Variants in CHM observed in about 807,000 individuals in gnomAD.
The protein encoded by CHM is rab proteins geranylgeranyltransferase component A 1.
Under a neutral mutation model 49.0 loss-of-function variants are expected in CHM, and 10 were observed. The observed-to-expected ratio is 0.20, with a 90% confidence interval of 0.13 to 0.35. CHM has a LOEUF of 0.35. CHM is among the 10% of genes least tolerant of loss of function. CHM has a pLI of 1.00. For missense variants in CHM, 455 were observed against 478.4 expected, an observed-to-expected ratio of 0.95 and a Z score of 0.46; for synonymous variants, 184 against 167.5, an observed-to-expected ratio of 1.10 and a Z score of -0.76.
intron 1 of CHM, among the ~76,000 whole-genome samples, chrX:86,039,885 G>A (rs1311748197): frequency 9.0e-6 from 1 of 111,670 alleles, no homozygotes; most frequent in African/African-American, 3.3e-5. Flanking sequence ...TCTGGCCAGA[G>A]ACAGCTGGCA....
At chrX:85,942,759 T>C (rs1340637775) in intron 8 of CHM, among the ~76,000 whole-genome samples, 1 of 103,787 alleles carries the variant, frequency 9.6e-6, no homozygotes, top group Non-Finnish European at 2.0e-5. Context: ...TGTTTTCTTT[T>C]TTTTTTTTAT....
At position 85,964,202 on chromosome X, in the gene CHM, T is replaced by A. The variant is rs1214684782; in HGVS notation, c.315-150A>T. On this transcript the variant is annotated intron_variant, in intron 4 of 14. Coordinates refer to ENST00000357749, the MANE Select transcript of CHM (RefSeq NM_000390.4). ...GTAAAATATGAAACAAAATTAAGATTTGAAAGATATAAAGATTTCATGTCA... is the reference window on the plus strand; with the variant it reads ...GTAAAATATGAAACAAAATTAAGATATGAAAGATATAAAGATTTCATGTCA... The A allele has an allele frequency of 9.4e-6, 5 of 534,169 alleles. No homozygotes were observed. In the East Asian group the frequency reaches 1.8e-4, roughly 20 times the overall value. 44.0% of individuals were successfully genotyped at this position (534,169 alleles called of 1,213,427 possible). A position where few individuals can be genotyped will look rare whatever the true frequency, so the allele number is the denominator to read the frequency against.
At chrX:85,897,173 TATTA>T (rs1435561098) in intron 11 of CHM, among the ~76,000 whole-genome samples, 34 of 97,657 alleles carry the variant, frequency 3.5e-4, no homozygotes, top group African/African-American at 1.2e-3. Flanking sequence ...CTAATATATA[TATTA>T]TATATATACT....
At chrX:85,945,111 T>C (rs184948809) in intron 8 of CHM, among the ~76,000 whole-genome samples, 420 of 110,621 alleles carry the variant, frequency 3.8e-3, no homozygotes, top group Non-Finnish European at 6.2e-3. Context: ...AGGGAAAAAA[T>C]AGATGCTGGG....
At chrX:86,016,170 G>A (rs953920971) in intron 2 of CHM, among the ~76,000 whole-genome samples, 6 of 110,921 alleles carry the variant, frequency 5.4e-5, no homozygotes, top group African/African-American at 1.6e-4. Context: ...CTCACGTGCC[G>A]TTAAAGGCAT....
rs563525195 is a variant in CHM, at chrX:86,029,140, C to T, written c.50-1583G>A. On this transcript the variant is annotated intron_variant, in intron 1 of 14. Transcript: ENST00000357749. The stretch of plus-strand genomic sequence containing the variant: ...AAAATAACCATTAAATATCAATCAT[C>T]GAAAACAAGCCATCATAAAGTTCCA... 1.1e-3 allele frequency among the ~76,000 whole-genome samples: 125 copies of T among 111,802 alleles called. No homozygotes were observed. The South Asian group carries it at 0.016, about 14-fold the overall frequency.
chrX:86,016,126 T>C (rs1429037428), intron 2 of CHM, among the ~76,000 whole-genome samples: 1 of 109,947 alleles, frequency 9.1e-6, no homozygotes, highest in Non-Finnish European at 1.9e-5. Flanking sequence ...CAGTGAGCCT[T>C]TGTCTCAAAA....
chrX:85,936,453 C>G (rs946036132), intron 8 of CHM, among the ~76,000 whole-genome samples: 2 of 111,447 alleles, frequency 1.8e-5, no homozygotes, highest in African/African-American at 6.5e-5. Context: ...TTCCATAATA[C>G]AGGTAAGACA....
chrX:85,899,849 G>T (rs1419204493), intron 11 of CHM, among the ~76,000 whole-genome samples: 4 of 109,914 alleles, frequency 3.6e-5, no homozygotes, highest in Admixed American at 9.8e-5. Context: ...ATTAGCACAG[G>T]ACTGAATGAG....
chrX:85,902,166 T>C (rs1176774714), intron 9 of CHM, among the ~76,000 whole-genome samples: 1 of 111,947 alleles, frequency 8.9e-6, no homozygotes, highest in Non-Finnish European at 1.9e-5. Flanking sequence ...AATTATTTTA[T>C]TAGAAATGAA....
At chrX:85,942,672 C>T (rs1856186754) in intron 8 of CHM, among the ~76,000 whole-genome samples, 1 of 110,696 alleles carries the variant, frequency 9.0e-6, no homozygotes, top group Non-Finnish European at 1.9e-5. Context: ...GTTTCTGCAC[C>T]TAGATTTAGC....
chrX:85,953,309 T>C (rs367955532), intron 8 of CHM, among the ~76,000 whole-genome samples: 1 of 111,806 alleles, frequency 8.9e-6, no homozygotes, highest in East Asian at 2.8e-4. Flanking sequence ...TCCATGTTCA[T>C]GAACTGGAAG....
At chrX:85,997,215 T>C in intron 2 of CHM, among the ~76,000 whole-genome samples, 1 of 111,396 alleles carries the variant, frequency 9.0e-6, no homozygotes, top group East Asian at 2.8e-4. Flanking sequence ...TACCACCAAA[T>C]CTAAATGATG....
At chrX:85,916,410 G>A (rs1430738665) in intron 8 of CHM, among the ~76,000 whole-genome samples, 2 of 111,934 alleles carry the variant, frequency 1.8e-5, no homozygotes, top group African/African-American at 3.3e-5. Flanking sequence ...ATTTCATGAC[G>A]AAGATGCCAA....
chrX:85,996,785 C>T (rs988571050), intron 2 of CHM, among the ~76,000 whole-genome samples: 3 of 111,766 alleles, frequency 2.7e-5, no homozygotes, highest in Admixed American at 9.5e-5. Context: ...CTATTGTCTA[C>T]ACTATCTTAT....
intron 12 of CHM, among the ~76,000 whole-genome samples, chrX:85,887,101 C>A (rs1925132849): frequency 2.8e-5 from 3 of 108,815 alleles, no homozygotes; most frequent in African/African-American, 1.0e-4. Context: ...ACTAAAAAAC[C>A]CAAACCCAGT....
At chrX:85,890,718 G>A (rs1380791691) in intron 12 of CHM, among the ~76,000 whole-genome samples, 1 of 111,690 alleles carries the variant, frequency 9.0e-6, no homozygotes, top group Non-Finnish European at 1.9e-5. Flanking sequence ...TTTATCAGCA[G>A]CATGAAAACA....
At chrX:85,885,924 A>C (rs976213114) in intron 12 of CHM, among the ~76,000 whole-genome samples, 1 of 111,889 alleles carries the variant, frequency 8.9e-6, no homozygotes, top group African/African-American at 3.2e-5. Context: ...AAATCCATTT[A>C]GAGTTAATGA....
chrX:86,027,611 A>AT, intron 1 of CHM, 54 bp from the exon 2 acceptor site: 1 of 1,050,878 alleles, frequency 9.5e-7, no homozygotes, highest in Non-Finnish European at 1.3e-6. Context: ...TATATTTTAC[A>AT]TAAAATGTTC....
Sources: gnomAD v4.1 joint callset for allele counts (sites outside exome capture counted in the v4.1 genomes callset) on GRCh38, gnomAD v4.1.1 for gene constraint, MANE v1.5 for transcripts, NCBI Gene and HGNC (gene_info 2026-07-23, HGNC 2026-07-21) for gene names.